Variants in GABBR2 observed in about 807,000 individuals in gnomAD.
GABBR2 encodes the protein gamma-aminobutyric acid type B receptor subunit 2, also known as G-protein coupled receptor 51.
GABBR2 carries 23 observed loss-of-function variants against 105.6 expected under a neutral mutation model. The ratio of observed to expected loss-of-function variants is 0.22; its 90% CI spans 0.16 to 0.31. The LOEUF (loss-of-function observed/expected upper bound fraction) is 0.31, where lower values mean the gene tolerates loss of function less well. Among genes scored for constraint, GABBR2 ranks in the 10% least tolerant of loss-of-function variants. The probability of loss-of-function intolerance (pLI) is 1.00; values close to 1 mark genes in which losing one functional copy is unlikely to be tolerated. For synonymous variants in GABBR2, 478 were observed against 499.7 expected (o/e 0.96, Z 0.58); for missense variants, 734 against 1,245.5 (o/e 0.59, Z 6.18).
At chr9:98,456,451 C>T (rs931718473) in intron 6 of GABBR2, among the ~76,000 whole-genome samples, 3 of 152,168 alleles carry the variant, frequency 2.0e-5, no homozygotes, top group African/African-American at 4.8e-5. Flanking sequence ...CTGCAATTTT[C>T]CTCCTTATGT....
At chr9:98,527,497 T>C (rs1234665083) in intron 3 of GABBR2, among the ~76,000 whole-genome samples, 1 of 152,102 alleles carries the variant, frequency 6.6e-6, no homozygotes, top group East Asian at 1.9e-4. Flanking sequence ...GCAGAAATAA[T>C]AGGAGTTCAA....
intron 7 of GABBR2, among the ~76,000 whole-genome samples, chr9:98,413,176 A>G (rs1319431457): frequency 2.0e-5 from 3 of 152,186 alleles, no homozygotes; most frequent in East Asian, 3.8e-4. Flanking sequence ...CAGCAGATCA[A>G]TGTCTGTGTG....
chr9:98,489,703 G>A (rs995543368), intron 4 of GABBR2, among the ~76,000 whole-genome samples: 6 of 151,226 alleles, frequency 4.0e-5, no homozygotes, highest in East Asian at 3.9e-4. Context: ...GTCTGCCTAC[G>A]GCGACCATCA....
At chr9:98,498,442 C>A (rs1287599408) in intron 3 of GABBR2, among the ~76,000 whole-genome samples, 1 of 152,132 alleles carries the variant, frequency 6.6e-6, no homozygotes, top group Non-Finnish European at 1.5e-5. Flanking sequence ...CTTGGTGGAT[C>A]CTTGTAATGT....
At chr9:98,547,214 G>C (rs1828417628) in intron 2 of GABBR2, among the ~76,000 whole-genome samples, 1 of 115,194 alleles carries the variant, frequency 8.7e-6, no homozygotes, top group African/African-American at 2.8e-5. Context: ...TACACGACCT[G>C]TATACAATCC....
intron 15 of GABBR2, among the ~76,000 whole-genome samples, chr9:98,305,324 A>T (rs956664438): frequency 6.6e-6 from 1 of 152,272 alleles, no homozygotes; most frequent in Non-Finnish European, 1.5e-5. Flanking sequence ...CATTAAAGGA[A>T]TAATTGGAAA....
At chr9:98,296,323 C>T (rs1437353975) in intron 17 of GABBR2, among the ~76,000 whole-genome samples, 6 of 152,240 alleles carry the variant, frequency 3.9e-5, no homozygotes, top group African/African-American at 9.6e-5. Flanking sequence ...ACTGAACCTA[C>T]TGGCACCTTG....
intron 5 of GABBR2, among the ~76,000 whole-genome samples, chr9:98,480,202 T>C (rs1261023009): frequency 6.6e-6 from 1 of 152,168 alleles, no homozygotes; most frequent in Admixed American, 6.5e-5. Flanking sequence ...ACTTTTCTCC[T>C]GACATGATGG....
intron 11 of GABBR2, among the ~76,000 whole-genome samples, chr9:98,375,805 C>G (rs2131469621): frequency 6.6e-6 from 1 of 152,176 alleles, no homozygotes; most frequent in East Asian, 1.9e-4. Context: ...AGGGAGGTTT[C>G]ATTTAATGAC....
chr9:98,504,961 C>A (rs191819385), intron 3 of GABBR2, among the ~76,000 whole-genome samples: 38 of 152,304 alleles, frequency 2.5e-4, no homozygotes, highest in Admixed American at 2.2e-3. Flanking sequence ...TAGACCAAAG[C>A]CGACTTCAAA....
intron 1 of GABBR2, 152 bp downstream of exon 1, chr9:98,708,265 G>A (rs1014063821): frequency 6.2e-6 from 4 of 640,058 alleles, no homozygotes; most frequent in Non-Finnish European, 8.9e-6. Context: ...GCAGGACCGC[G>A]GGGGTGAACA....
intron 6 of GABBR2, among the ~76,000 whole-genome samples, chr9:98,463,153 T>A (rs1307203089): frequency 6.6e-6 from 1 of 152,210 alleles, no homozygotes; most frequent in Non-Finnish European, 1.5e-5. Flanking sequence ...CCTCCCCAAG[T>A]GCTGGGATTA....
chr9:98,580,600 C>G (rs1235895126), intron 1 of GABBR2, among the ~76,000 whole-genome samples: 1 of 152,114 alleles, frequency 6.6e-6, no homozygotes, highest in South Asian at 2.1e-4. Context: ...ACAGCCTGGA[C>G]AACATGGCGA....
intron 2 of GABBR2, among the ~76,000 whole-genome samples, chr9:98,573,363 G>A (rs1323434156): frequency 6.6e-6 from 1 of 152,254 alleles, no homozygotes; most frequent in African/African-American, 2.4e-5. Flanking sequence ...GCTCACTACA[G>A]CCTTGAATTC....
chr9:98,429,978 GTGTTAGCTTTTAAA>G (rs1020830660), intron 7 of GABBR2, among the ~76,000 whole-genome samples: 21 of 152,208 alleles, frequency 1.4e-4, no homozygotes, highest in Admixed American at 4.6e-4. Context: ...CCTTCATTGG[GTGTTAGCTTTTAAA>G]AATACTCCTT....
intron 1 of GABBR2, chr9:98,606,962 T>G (rs2779535): frequency 0.54 from 405,045 of 751,876 alleles, 110,413 homozygotes; most frequent in Admixed American, 0.63. Context: ...CGGCTCCGCC[T>G]GCATCCAAAC....
chr9:98,468,343 G>A (rs531650510), intron 6 of GABBR2, among the ~76,000 whole-genome samples: 1 of 152,192 alleles, frequency 6.6e-6, no homozygotes, highest in Admixed American at 6.5e-5. Context: ...CTGTGACTTT[G>A]TCTATCGGGA....
At chr9:98,702,685 A>G (rs116708002) in intron 1 of GABBR2, among the ~76,000 whole-genome samples, 4,086 of 152,172 alleles carry the variant, frequency 0.027, 175 homozygotes, top group African/African-American at 0.093. Context: ...CTGGTATCCA[A>G]TGTCCATTTC....
intron 1 of GABBR2, among the ~76,000 whole-genome samples, chr9:98,583,584 C>T (rs1419535407): frequency 6.6e-6 from 1 of 152,208 alleles, no homozygotes; most frequent in Non-Finnish European, 1.5e-5. Context: ...TTGTCTCTGG[C>T]CTCAGGAAGG....
Sources: allele counts gnomAD v4.1 joint callset (sites outside exome capture counted in the v4.1 genomes callset), GRCh38; gene constraint gnomAD v4.1.1; transcripts MANE v1.5; gene names NCBI Gene and HGNC (gene_info 2026-07-23, HGNC 2026-07-21).